The following AOC3 variants were observed in gnomAD, a reference collection of about 807,000 sequenced individuals.
AOC3 encodes amine oxidase [copper-containing] 3.
In AOC3, 47 loss-of-function variants were observed where a neutral mutation model predicts 55.4. That is an observed-to-expected ratio of 0.85 (90% CI 0.67 to 1.08). The LOEUF (loss-of-function observed/expected upper bound fraction) is 1.08. AOC3 is among the 50% of genes least tolerant of loss of function. The probability of loss-of-function intolerance (pLI) is 0.00; values close to 1 mark genes in which losing one functional copy is unlikely to be tolerated. For synonymous variants in AOC3, 386 were observed against 410.7 expected, an observed-to-expected ratio of 0.94 and a Z score of 0.73; for missense variants, 853 against 993.1, an observed-to-expected ratio of 0.86 and a Z score of 1.90.
rs2055660878 is a variant in AOC3 at position 42,851,360 on chromosome 17, T to A, written c.17T>A (p.Ile6Asn). The change falls in exon 1 of 4, where the codon ATC becomes AAC. Residue 6 changes from isoleucine to asparagine, a missense_variant. Physicochemically the swap from Ile to Asn is moderately radical, Grantham distance 149 (BLOSUM62 -3). Transcript: ENST00000308423. ...CGTGGGAAAATGAACCAGAAGACAA[T>A]CCTCGTGCTCCTCATTCTGGCCGTC... MNQKT[I>N]LVLLILAVIT... is the part of the protein sequence containing the mutation. 2 of 1,602,916 alleles carry A rather than the reference T, an allele frequency of 1.2e-6. No individual in the cohort carries two copies. The highest frequency in any genetic ancestry group is 1.7e-6 in the Non-Finnish European group (2 of 1,173,672).
chr17:42,854,704 C>T lies in AOC3; in HGVS notation c.1857C>T (p.Ser619=), dbSNP rs574123445. 1 of 1,491,218 alleles carries T rather than the reference C, an allele frequency of 6.7e-7. No individual in the cohort carries two copies. The highest frequency in any genetic ancestry group is 9.0e-7 in the Non-Finnish European group (1 of 1,115,118). The allele number at this position is 1,491,218 out of a possible 1,614,324, so 92.4% of individuals were successfully genotyped here. A position where few individuals can be genotyped will look rare whatever the true frequency, so the allele number is the denominator to read the frequency against. The change falls in exon 2 of 4, where the codon AGC becomes AGT. Residue 619 remains serine (S), a synonymous_variant. Transcript: ENST00000308423. ...SFAGEPLPQN[S]SMARGFSWER... is the part of the protein sequence containing the mutation. Reference sequence around the variant, plus strand: ...CTGGAGAGCCGCTGCCCCAAAACAGCTCCATGGCGAGAGGCTTCAGCTGGG... The same window carrying T: ...CTGGAGAGCCGCTGCCCCAAAACAGTTCCATGGCGAGAGGCTTCAGCTGGG...
chr17:42,854,784 G>T, intron 2 of AOC3, 51 bp downstream of exon 2: 1 of 1,432,186 alleles, frequency 7.0e-7, no homozygotes. Context: ...TGGGAAAGGA[G>T]TGTTGGCGGA....
rs930414948 is a variant in AOC3, at chr17:42,853,253, G to T, written c.1600+310G>T. The T allele has an allele frequency of 6.9e-6, 8 of 1,151,604 alleles. No individual in the cohort carries two copies. In the African/African-American group the frequency reaches 1.1e-4, roughly 16 times the overall value. 71.3% of individuals were successfully genotyped at this position (1,151,604 alleles called of 1,614,324 possible). On this transcript the variant is annotated intron_variant, in intron 1 of 3. Transcript: ENST00000308423. ...TCTTCTCTCCCTTGTACTTATATGGGCTCTGCTGCTGGGAGCAGCCTTCTG... is the reference window on the plus strand; with the variant it reads ...TCTTCTCTCCCTTGTACTTATATGGTCTCTGCTGCTGGGAGCAGCCTTCTG...
chr17:42,854,802 C>T (rs542694047), intron 2 of AOC3, 69 bp downstream of exon 2: 5 of 1,373,206 alleles, frequency 3.6e-6, no homozygotes, highest in South Asian at 3.5e-5. Context: ...GGACACTCAG[C>T]TCACACTGTA....
In AOC3 at chr17:42,852,671, A is replaced by G; in HGVS notation, c.1328A>G (p.His443Arg). The G allele has an allele frequency of 6.2e-7, 1 of 1,614,190 alleles. No homozygotes were observed. The highest frequency in any genetic ancestry group is 8.5e-7 in the Non-Finnish European group (1 of 1,180,036). Residue 443 changes from histidine to arginine, a missense_variant, in exon 1 of 4, where the codon CAC becomes CGC. His to Arg is a conservative substitution (Grantham distance 29). Transcript: ENST00000308423. ...EQNQGLPLRR[H>R]HSDLYSHYFG... ...AACCAGGGCCTCCCCCTGCGGCGAC[A>G]CCACTCAGATCTCTACTCGCACTAC... is the stretch of plus-strand genomic sequence containing the variant.
Position 42,852,680 on chromosome 17 carries a change from A to C in AOC3, c.1337A>C (p.Asp446Ala). ...QGLPLRRHHS[D>A]LYSHYFGGLA... The stretch of plus-strand genomic sequence containing the variant: ...CTCCCCCTGCGGCGACACCACTCAG[A>C]TCTCTACTCGCACTACTTTGGGGGT... The change falls in exon 1 of 4, where the codon GAT becomes GCT. Residue 446 changes from aspartate (D) to alanine (A), a missense_variant. Transcript: ENST00000308423. 6.2e-7 allele frequency: 1 copy of C among 1,614,158 alleles called. No homozygotes were observed. Among genetic ancestry groups the C allele is most frequent in the Non-Finnish European group, 8.5e-7 (1 of 1,180,036 alleles).
chr17:42,856,661 C>T lies in AOC3; in HGVS notation c.*111C>T, dbSNP rs1567692861. The T allele has an allele frequency of 1.5e-6, 2 of 1,309,952 alleles. No individual in the cohort carries two copies. The highest frequency in any genetic ancestry group is 4.6e-5 in the East Asian group (2 of 43,166). The allele number at this position is 1,309,952 out of a possible 1,614,324, so 81.1% of individuals were successfully genotyped here. On this transcript the variant is annotated 3_prime_UTR_variant, in exon 4 of 4. Transcript: ENST00000308423. ...TGGTTCCCTCTTTCCTGTGCCAGGA[C>T]TCTCTTTCTTCCACTACCCTCCCTC...
rs150739682 is a variant in AOC3 at position 42,856,818 on chromosome 17, C to T, written c.*268C>T. The T allele has an allele frequency of 1.2e-5, 6 of 518,688 alleles. No homozygotes were observed. Among genetic ancestry groups the T allele is most frequent in the Middle Eastern group, 5.1e-4 (1 of 1,974 alleles). The allele number at this position is 518,688 out of a possible 1,614,324, so 32.1% of individuals were successfully genotyped here. On this transcript the variant is annotated 3_prime_UTR_variant, in exon 4 of 4. Transcript: ENST00000308423. ...GCATGGCCCAGCCTGGAGCCGTGGCCGAGGGCTTCCCTAGATGGTTCCCTT... is the reference window on the plus strand; with the variant it reads ...GCATGGCCCAGCCTGGAGCCGTGGCTGAGGGCTTCCCTAGATGGTTCCCTT...
At position 42,852,819 on chromosome 17, in the gene AOC3, G is replaced by T; in HGVS notation, c.1476G>T (p.Thr492=). 6.2e-7 allele frequency: 1 copy of T among 1,614,040 alleles called. No individual in the cohort carries two copies. Among genetic ancestry groups the T allele is most frequent in the South Asian group, 1.1e-5 (1 of 91,082 alleles). ...SGAIEIRFYA[T]GYISSAFLFG... ...CCATAGAAATACGATTCTATGCCACGGGCTACATCAGCTCGGCATTCCTCT... is the reference window on the plus strand; with the variant it reads ...CCATAGAAATACGATTCTATGCCACTGGCTACATCAGCTCGGCATTCCTCT... Residue 492 remains threonine (T), a synonymous_variant, in exon 1 of 4, where the codon ACG becomes ACT. Coordinates refer to ENST00000308423, the MANE Select transcript of AOC3 (RefSeq NM_003734.4).
At chr17:42,854,301 G>A (rs548959980) in intron 1 of AOC3, 147 bp from the exon 2 acceptor site, 4 of 624,668 alleles carry the variant, frequency 6.4e-6, no homozygotes, top group African/African-American at 5.6e-5. Context: ...TAAAGGATTG[G>A]AGGTATCCTG....
Position 42,852,535 on chromosome 17 carries a change from C to T in AOC3, c.1192C>T (p.Leu398=). ...GFGMGKYTTP[L]TRGVDCPYLA... is the part of the protein sequence containing the mutation. ...TGGCATGGGCAAGTACACCACGCCC[C>T]TGACCCGTGGGGTGGACTGCCCCTA... The change falls in exon 1 of 4, where the codon CTG becomes TTG. Residue 398 remains leucine, a synonymous_variant. Transcript: ENST00000308423. 1 of 1,614,262 alleles carries T rather than the reference C, an allele frequency of 6.2e-7. No homozygotes were observed. Among genetic ancestry groups the T allele is most frequent in the Non-Finnish European group, 8.5e-7 (1 of 1,180,052 alleles).
rs1056250257 is a variant in AOC3 at position 42,851,289 on chromosome 17, C to T, written c.-55C>T. On this transcript the variant is annotated 5_prime_UTR_variant, in exon 1 of 4. Transcript: ENST00000308423. ...GCCAACAGAGCCCCCGTCTTGCTGG[C>T]GTGAGAATACATTGCTCTCCTTTGG... The T allele has an allele frequency of 2.0e-6, 3 of 1,531,252 alleles. No individual in the cohort carries two copies. The highest frequency in any genetic ancestry group is 1.8e-6 in the Non-Finnish European group (2 of 1,134,336). The allele number at this position is 1,531,252 out of a possible 1,614,324, so 94.9% of individuals were successfully genotyped here. A position where few individuals can be genotyped will look rare whatever the true frequency, so the allele number is the denominator to read the frequency against.
rs535744858 is a variant in AOC3, at chr17:42,852,591, T to A, written c.1248T>A (p.Leu416=). Residue 416 remains leucine, a synonymous_variant, in exon 1 of 4, where the codon CTT becomes CTA. Coordinates refer to ENST00000308423, the MANE Select transcript of AOC3 (RefSeq NM_003734.4). ...CCACCTACGTGGACTGGCACTTCCT[T>A]TTGGAGTCCCAGGCCCCCAAGACAA... ...YLATYVDWHF[L]LESQAPKTIR... is the part of the protein sequence containing the mutation. 110 of 1,614,190 alleles carry A rather than the reference T, an allele frequency of 6.8e-5. No individual in the cohort carries two copies. The South Asian group carries it at 1.2e-3, about 17-fold the overall frequency.
rs33968176 is a variant in AOC3, at chr17:42,851,320, T to G, written c.-24T>G. On this transcript the variant is annotated 5_prime_UTR_variant, in exon 1 of 4. Coordinates refer to ENST00000308423, the MANE Select transcript of AOC3 (RefSeq NM_003734.4). ...AATACATTGCTCTCCTTTGGTTGAA[T>G]CAGCTGTCCCTCTTCGTGGGAAAAT... 850 of 1,569,826 alleles carry G rather than the reference T, an allele frequency of 5.4e-4. 13 individuals carry two copies. In the East Asian group the frequency reaches 0.019, roughly 35 times the overall value.
Position 42,855,576 on chromosome 17 carries a change from C to T in AOC3, c.2016+3C>T. ...ACAATGAGACCATTGCTGGAAAGGT[C>T]AGCTGGCCGGGGTAGAGGGTACAGG... On this transcript the variant is annotated splice_donor_region_variant and intron_variant, in intron 3 of 3. Coordinates refer to ENST00000308423, the MANE Select transcript of AOC3 (RefSeq NM_003734.4). 1 of 1,614,162 alleles carries T rather than the reference C, an allele frequency of 6.2e-7. No individual in the cohort carries two copies. The highest frequency in any genetic ancestry group is 1.3e-5 in the African/African-American group (1 of 75,040).
At position 42,856,682 on chromosome 17, in the gene AOC3, C is replaced by T. The variant is rs2055755133; in HGVS notation, c.*132C>T. 2.8e-6 allele frequency: 3 copies of T among 1,082,496 alleles called. No individual in the cohort carries two copies. The highest frequency in any genetic ancestry group is 3.1e-5 in the South Asian group (2 of 63,754). 67.1% of individuals were successfully genotyped at this position (1,082,496 alleles called of 1,614,324 possible). On this transcript the variant is annotated 3_prime_UTR_variant, in exon 4 of 4. Transcript: ENST00000308423. ...AGGACTCTCTTTCTTCCACTACCCT[C>T]CCTCGCATCCGCCTCTGAGCCAGGA...
chr17:42,852,201 G>T lies in AOC3; in HGVS notation c.858G>T (p.Val286=). The T allele has an allele frequency of 6.2e-7, 1 of 1,613,772 alleles. No individual in the cohort carries two copies. Among genetic ancestry groups the T allele is most frequent in the Non-Finnish European group, 8.5e-7 (1 of 1,179,796 alleles). The stretch of plus-strand genomic sequence containing the variant: ...AGGCCCAGTTTGAGGCCGGCCTGGT[G>T]AATGTGGTGCTGATCCCAGACAATG... ...QLEAQFEAGL[V]NVVLIPDNGT... The change falls in exon 1 of 4, where the codon GTG becomes GTT. Residue 286 remains valine (V), a synonymous_variant. Transcript: ENST00000308423.
At chr17:42,856,230 T>G (rs1263944317) in intron 3 of AOC3, 45 bp from the exon 4 acceptor site, 1 of 1,599,620 alleles carries the variant, frequency 6.3e-7, no homozygotes, top group Non-Finnish European at 8.5e-7. Flanking sequence ...GGGCATGTCC[T>G]CAGCAAAGCC....
chr17:42,856,727 CCTGA>C lies in AOC3; in HGVS notation c.*179_*182del. ...CCAGGAGCCTCCTGACCCTGTGATGCCTGACACAGGGGACACTGAACCTTGTTGA... is the reference window on the plus strand; with the variant it reads ...CCAGGAGCCTCCTGACCCTGTGATGCCACAGGGGACACTGAACCTTGTTGA... On this transcript the variant is annotated 3_prime_UTR_variant, in exon 4 of 4. Coordinates refer to ENST00000308423, the MANE Select transcript of AOC3 (RefSeq NM_003734.4). 1.4e-6 allele frequency: 1 copy of C among 711,684 alleles called. No individual in the cohort carries two copies. Among genetic ancestry groups the C allele is most frequent in the South Asian group, 1.9e-5 (1 of 52,868 alleles). The allele number at this position is 711,684 out of a possible 1,614,324, so 44.1% of individuals were successfully genotyped here.
Sources: gnomAD v4.1 joint callset for allele counts on GRCh38, gnomAD v4.1.1 for gene constraint, MANE v1.5 for transcripts, NCBI Gene and HGNC (gene_info 2026-07-23, HGNC 2026-07-21) for gene names.